The following TMEM108 variants were observed in gnomAD, a reference collection of about 807,000 sequenced individuals.
TMEM108 encodes cancer/testis antigen 124.
Under a neutral mutation model 35.1 loss-of-function variants are expected in TMEM108, and 12 were observed. The observed-to-expected ratio is 0.34, with a 90% CI of 0.22 to 0.55. The LOEUF (loss-of-function observed/expected upper bound fraction) is 0.55, where lower values mean the gene tolerates loss of function less well. TMEM108 is among the 20% of genes least tolerant of loss of function. TMEM108 has a pLI of 0.89. For synonymous variants in TMEM108, 287 were observed against 308.6 expected (o/e 0.93, Z 0.73); for missense variants, 680 against 753.3 (o/e 0.90, Z 1.14).
chr3:133,041,873 A>G (rs1943280520), intron 1 of TMEM108: 1 of 152,238 alleles, frequency 6.6e-6, no homozygotes, highest in African/African-American at 2.4e-5. Flanking sequence ...CATGCTCTGA[A>G]GACAGCAGTG....
At chr3:133,378,453 G>T (rs1426546321) in intron 3 of TMEM108, 1 of 985,438 alleles carries the variant, frequency 1.0e-6, no homozygotes, top group Non-Finnish European at 1.2e-6. Context: ...GTAATTAGAC[G>T]CAGACAGAGA....
At chr3:133,186,792 T>TA (rs1559861531) in intron 2 of TMEM108, among the ~76,000 whole-genome samples, 14 of 152,226 alleles carry the variant, frequency 9.2e-5, no homozygotes, top group Admixed American at 2.0e-4. Flanking sequence ...TATGATATTT[T>TA]AAATATCATA....
intron 2 of TMEM108, among the ~76,000 whole-genome samples, chr3:133,211,749 A>G (rs1281368218): frequency 4.6e-5 from 7 of 152,144 alleles, no homozygotes; most frequent in Admixed American, 3.3e-4. Context: ...AACAAATGCA[A>G]ATAGACTCCA....
chr3:133,221,657 T>C (rs1444722506), intron 2 of TMEM108, among the ~76,000 whole-genome samples: 5 of 134,518 alleles, frequency 3.7e-5, no homozygotes, highest in Admixed American at 8.2e-5. Context: ...ATTACATTGA[T>C]TCCTTTTTTT....
intron 3 of TMEM108, among the ~76,000 whole-genome samples, chr3:133,305,819 A>G (rs1412502714): frequency 2.0e-5 from 3 of 151,986 alleles, no homozygotes; most frequent in African/African-American, 4.8e-5. Context: ...TTTAATTTAC[A>G]TTTCCCTAAT....
chr3:133,354,925 C>T (rs2072116563), intron 3 of TMEM108, among the ~76,000 whole-genome samples: 1 of 150,932 alleles, frequency 6.6e-6, no homozygotes, highest in Middle Eastern at 3.4e-3. Flanking sequence ...GATTTTCTTA[C>T]TTTAAAATGA....
intron 3 of TMEM108, among the ~76,000 whole-genome samples, chr3:133,308,665 A>G (rs1488098346): frequency 1.3e-5 from 2 of 152,194 alleles, no homozygotes; most frequent in South Asian, 2.1e-4. Context: ...GATTACGTCT[A>G]TTGATTTGCG....
intron 3 of TMEM108, among the ~76,000 whole-genome samples, chr3:133,283,271 C>A (rs1946940408): frequency 6.6e-6 from 1 of 152,182 alleles, no homozygotes; most frequent in African/African-American, 2.4e-5. Context: ...AATAACCCAG[C>A]ATCCTATGCA....
At chr3:133,063,573 G>T (rs1004943307) in intron 2 of TMEM108, among the ~76,000 whole-genome samples, 3 of 152,166 alleles carry the variant, frequency 2.0e-5, no homozygotes, top group Non-Finnish European at 2.9e-5. Flanking sequence ...GATAGGGTCA[G>T]GAAGAGGAAT....
chr3:133,080,704 A>G (rs1487517296), intron 2 of TMEM108, among the ~76,000 whole-genome samples: 1 of 152,184 alleles, frequency 6.6e-6, no homozygotes, highest in Non-Finnish European at 1.5e-5. Flanking sequence ...ATTAGTAGAC[A>G]CTTAGTGCTA....
At chr3:133,177,556 C>T (rs192524551) in intron 2 of TMEM108, among the ~76,000 whole-genome samples, 15 of 151,650 alleles carry the variant, frequency 9.9e-5, no homozygotes, top group Admixed American at 2.6e-4. Flanking sequence ...ACAGAACCAA[C>T]GACAAAAACC....
chr3:133,174,678 C>T (rs1009934187), intron 2 of TMEM108, among the ~76,000 whole-genome samples: 1 of 152,116 alleles, frequency 6.6e-6, no homozygotes, highest in Admixed American at 6.5e-5. Context: ...CCCATCAGTA[C>T]ATCACCATCA....
At chr3:133,147,544 A>T (rs1944739221) in intron 2 of TMEM108, among the ~76,000 whole-genome samples, 1 of 152,122 alleles carries the variant, frequency 6.6e-6, no homozygotes. Flanking sequence ...CTTTTGAAAA[A>T]TGTCTGTTCA....
chr3:133,162,172 A>G (rs1281536525), intron 2 of TMEM108, among the ~76,000 whole-genome samples: 1 of 152,104 alleles, frequency 6.6e-6, no homozygotes, highest in Admixed American at 6.6e-5. Context: ...CATATATACA[A>G]AAGGTTGATC....
chr3:133,150,266 T>G (rs1333296113), intron 2 of TMEM108, among the ~76,000 whole-genome samples: 4 of 151,940 alleles, frequency 2.6e-5, no homozygotes, highest in Non-Finnish European at 5.9e-5. Flanking sequence ...TTCACATACT[T>G]TTGGACATTT....
intron 2 of TMEM108, among the ~76,000 whole-genome samples, chr3:133,138,001 T>G (rs1005083833): frequency 1.2e-4 from 19 of 152,254 alleles, no homozygotes; most frequent in African/African-American, 4.3e-4. Flanking sequence ...GATAGCCTTT[T>G]GTTATGGAAA....
intron 2 of TMEM108, among the ~76,000 whole-genome samples, chr3:133,183,828 G>C (rs79308707): frequency 0.019 from 2,865 of 152,286 alleles, 79 homozygotes; most frequent in African/African-American, 0.065. Context: ...AGGGCCGAAT[G>C]GTGCTGTGGA....
chr3:133,148,975 T>A (rs538856891), intron 2 of TMEM108, among the ~76,000 whole-genome samples: 2 of 152,154 alleles, frequency 1.3e-5, no homozygotes, highest in Non-Finnish European at 2.9e-5. Context: ...CCAGCCTGGG[T>A]GACAGAGGGA....
At chr3:133,057,114 C>G (rs1943474267) in intron 2 of TMEM108, among the ~76,000 whole-genome samples, 1 of 152,214 alleles carries the variant, frequency 6.6e-6, no homozygotes, top group East Asian at 1.9e-4. Flanking sequence ...GTGATGCTCT[C>G]CCTGCAATTC....
Sources: allele counts gnomAD v4.1 joint callset (sites outside exome capture counted in the v4.1 genomes callset), GRCh38; gene constraint gnomAD v4.1.1; transcripts MANE v1.5; gene names NCBI Gene and HGNC (gene_info 2026-07-23, HGNC 2026-07-21).